DSCAM: variants seen among roughly 807,000 people sequenced by gnomAD.
The protein encoded by DSCAM is cell adhesion molecule DSCAM.
DSCAM carries 47 observed loss-of-function variants against 217.7 expected under a neutral mutation model. The observed-to-expected ratio is 0.22, with a 90% CI of 0.17 to 0.28. The LOEUF (loss-of-function observed/expected upper bound fraction) is 0.28. Among genes scored for constraint, DSCAM ranks in the 10% least tolerant of loss-of-function variants. The pLI is 1.00. For missense variants in DSCAM, 2,080 were observed against 2,618.3 expected (o/e 0.79, Z 4.49); for synonymous variants, 1,056 against 1,015.3 (o/e 1.04, Z -0.76).
At chr21:40,570,243 G>A (rs2076796170) in intron 3 of DSCAM, among the ~76,000 whole-genome samples, 1 of 152,198 alleles carries the variant, frequency 6.6e-6, no homozygotes, top group South Asian at 2.1e-4. Flanking sequence ...AGTCTGGCTG[G>A]TGCTCAGATC....
intron 3 of DSCAM, among the ~76,000 whole-genome samples, chr21:40,640,980 A>G (rs35237566): frequency 0.13 from 20,157 of 152,216 alleles, 1,706 homozygotes; most frequent in Admixed American, 0.23. Flanking sequence ...TAAACAGACA[A>G]CATTATCTAG....
At chr21:40,264,451 A>G (rs559546080) in intron 11 of DSCAM, among the ~76,000 whole-genome samples, 2 of 152,354 alleles carry the variant, frequency 1.3e-5, no homozygotes, top group East Asian at 3.9e-4. Context: ...ATTAAAAACA[A>G]AAACCATATG....
rs577881852 is a variant in DSCAM at position 40,602,614 on chromosome 21, CT to C, written c.508+90195del. On this transcript the variant is annotated intron_variant, in intron 3 of 32. Transcript: ENST00000400454. ...AGTATTCAAATTTATGGCTACAGGG[CT>C]TTTCATAACCCTATTATCCCTTTAA... 4.1e-3 allele frequency among the ~76,000 whole-genome samples: 622 copies of C among 152,204 alleles called. 3 individuals carry two copies. The highest frequency in any genetic ancestry group is 0.014 in the African/African-American group (572 of 41,558).
intron 3 of DSCAM, among the ~76,000 whole-genome samples, chr21:40,405,140 T>TCTAGTGGCTAGAACTGAGA (rs2075269533): frequency 6.6e-6 from 1 of 152,174 alleles, no homozygotes; most frequent in Non-Finnish European, 1.5e-5. Context: ...TAGTGGCGTA[T>TCTAGTGGCTAGAACTGAGA]ATTGTCTAGT....
chr21:40,160,087 T>C (rs78235064), intron 16 of DSCAM, among the ~76,000 whole-genome samples: 2,672 of 152,128 alleles, frequency 0.018, 76 homozygotes, highest in African/African-American at 0.061. Context: ...GATTCCAGAG[T>C]GGGCCCACAT....
chr21:40,074,643 AT>A (rs1284546730), intron 27 of DSCAM, among the ~76,000 whole-genome samples: 3 of 152,140 alleles, frequency 2.0e-5, no homozygotes, highest in Non-Finnish European at 4.4e-5. Flanking sequence ...TAAGCCCTCA[AT>A]TTCCACTTCC....
chr21:40,707,965 A>G (rs1480186250), intron 2 of DSCAM, among the ~76,000 whole-genome samples: 2 of 152,246 alleles, frequency 1.3e-5, no homozygotes, highest in African/African-American at 2.4e-5. Context: ...AAATGTTAAA[A>G]TAGCCTTTCT....
intron 1 of DSCAM, among the ~76,000 whole-genome samples, chr21:40,737,807 C>T (rs1328267330): frequency 6.6e-6 from 1 of 152,188 alleles, no homozygotes; most frequent in Admixed American, 6.5e-5. Context: ...TCCAGCTGAC[C>T]TCAGAAGGGG....
chr21:40,725,283 A>G (rs2037927), intron 1 of DSCAM, among the ~76,000 whole-genome samples: 150,212 of 152,296 alleles, frequency 0.99, 74,087 homozygotes, highest in East Asian at 1. Context: ...CAGGATGAGG[A>G]AGCAATGACA....
chr21:40,397,426 C>T (rs1462226328), intron 3 of DSCAM, among the ~76,000 whole-genome samples: 1 of 152,128 alleles, frequency 6.6e-6, no homozygotes, highest in Non-Finnish European at 1.5e-5. Context: ...CACCGTGTGA[C>T]ATGCCTGTTC....
At chr21:40,486,611 A>T (rs2076030754) in intron 3 of DSCAM, among the ~76,000 whole-genome samples, 1 of 152,148 alleles carries the variant, frequency 6.6e-6, no homozygotes, top group East Asian at 1.9e-4. Flanking sequence ...CCATAACTGT[A>T]AAAAATGATA....
intron 3 of DSCAM, among the ~76,000 whole-genome samples, chr21:40,459,816 C>A (rs1324834490): frequency 7.0e-6 from 1 of 143,646 alleles, no homozygotes; most frequent in Admixed American, 7.0e-5. Flanking sequence ...CTGCCCCCCA[C>A]CCAAAAAAAA....
intron 1 of DSCAM, among the ~76,000 whole-genome samples, chr21:40,813,584 G>A (rs547783044): frequency 6.6e-6 from 1 of 151,354 alleles, no homozygotes; most frequent in East Asian, 1.9e-4. Context: ...GATTATTCAA[G>A]AGCAGATTAT....
chr21:40,254,289 C>T (rs1004183722), intron 11 of DSCAM, among the ~76,000 whole-genome samples: 3 of 151,958 alleles, frequency 2.0e-5, no homozygotes, highest in African/African-American at 7.3e-5. Flanking sequence ...AGACCAAACA[C>T]TCCAGGCAGG....
At chr21:40,522,579 G>T (rs1329051386) in intron 3 of DSCAM, among the ~76,000 whole-genome samples, 1 of 152,182 alleles carries the variant, frequency 6.6e-6, no homozygotes, top group Admixed American at 6.5e-5. Context: ...GTTCTACTCT[G>T]TGAGTCCTTT....
At chr21:40,708,395 G>T in intron 2 of DSCAM, 59 bp downstream of exon 2, 1 of 1,343,244 alleles carries the variant, frequency 7.4e-7, no homozygotes, top group Non-Finnish European at 9.8e-7. Context: ...ATGTGTCATT[G>T]TCATTATCCT....
At chr21:40,560,110 A>C (rs895092316) in intron 3 of DSCAM, among the ~76,000 whole-genome samples, 1 of 152,134 alleles carries the variant, frequency 6.6e-6, no homozygotes, top group Non-Finnish European at 1.5e-5. Context: ...TGTCTTTTGA[A>C]CTAAACACTT....
intron 26 of DSCAM, among the ~76,000 whole-genome samples, chr21:40,076,867 T>C (rs1289237698): frequency 6.6e-6 from 1 of 152,248 alleles, no homozygotes; most frequent in Non-Finnish European, 1.5e-5. Context: ...AGATACTTAC[T>C]ACTCAAATGT....
chr21:40,168,575 C>T (rs1233867838), intron 15 of DSCAM, among the ~76,000 whole-genome samples: 18 of 152,030 alleles, frequency 1.2e-4, no homozygotes. Context: ...CTACAGAAAG[C>T]CAGTTCTGTG....
Sources: allele counts gnomAD v4.1 joint callset (sites outside exome capture counted in the v4.1 genomes callset), GRCh38; gene constraint gnomAD v4.1.1; transcripts MANE v1.5; gene names NCBI Gene and HGNC (gene_info 2026-07-23, HGNC 2026-07-21).